HS3ST5: variants seen among roughly 807,000 people sequenced by gnomAD.
HS3ST5 encodes the protein heparan sulfate glucosamine 3-O-sulfotransferase 5.
A neutral mutation model predicts 25.4 loss-of-function variants in HS3ST5; 10 were observed. The observed-to-expected ratio is 0.39, with a 90% CI of 0.24 to 0.67. HS3ST5 has a LOEUF of 0.67. Ranked by LOEUF, HS3ST5 falls within the 30% of genes least tolerant of loss-of-function variation. The pLI is 0.44. For synonymous variants in HS3ST5, 170 were observed against 162.4 expected (o/e 1.05, Z -0.36); for missense variants, 324 against 420.7 (o/e 0.77, Z 2.01).
At chr6:114,301,238 A>G (rs1006462566) in intron 1 of HS3ST5, among the ~76,000 whole-genome samples, 2 of 152,248 alleles carry the variant, frequency 1.3e-5, no homozygotes, top group African/African-American at 4.8e-5. Context: ...AATTCTGTGC[A>G]AAATGTATGT....
rs531692410 is a variant in HS3ST5 at position 114,232,966 on chromosome 6, C to T, written c.-338-4188G>A. Reference sequence around the variant, plus strand: ...AAACTTTTAATACCTTTCCACAGTTCTCAGGCTAAAGAAAGATAACACTTT... The same window carrying T: ...AAACTTTTAATACCTTTCCACAGTTTTCAGGCTAAAGAAAGATAACACTTT... On this transcript the variant is annotated intron_variant, in intron 1 of 4. Transcript: ENST00000312719. 2.0e-4 allele frequency among the ~76,000 whole-genome samples: 31 copies of T among 152,172 alleles called. No homozygotes were observed. The South Asian group carries it at 6.4e-3, about 32-fold the overall frequency.
At chr6:114,242,859 C>CAAAAAA (rs376265869) in intron 1 of HS3ST5, among the ~76,000 whole-genome samples, 72 of 110,882 alleles carry the variant, frequency 6.5e-4, no homozygotes, top group Non-Finnish European at 1.0e-3. Context: ...GACTCCGTCT[C>CAAAAAA]AAAAAAAAAA....
At chr6:114,250,462 T>A (rs1266879789) in intron 1 of HS3ST5, among the ~76,000 whole-genome samples, 1 of 151,808 alleles carries the variant, frequency 6.6e-6, no homozygotes, top group African/African-American at 2.4e-5. Flanking sequence ...GCGCCTGTAG[T>A]CCCAGCTACT....
At chr6:114,270,092 A>C (rs561808060) in intron 1 of HS3ST5, among the ~76,000 whole-genome samples, 1 of 152,288 alleles carries the variant, frequency 6.6e-6, no homozygotes, top group Non-Finnish European at 1.5e-5. Flanking sequence ...GTCGTCTGGC[A>C]CCAGAGTGGT....
chr6:114,266,878 G>T (rs1311638347), intron 1 of HS3ST5, among the ~76,000 whole-genome samples: 1 of 152,132 alleles, frequency 6.6e-6, no homozygotes, highest in African/African-American at 2.4e-5. Context: ...ATATATTTGG[G>T]GGAAAATTCA....
At chr6:114,111,053 G>T (rs1433237035) in intron 3 of HS3ST5, among the ~76,000 whole-genome samples, 2 of 152,096 alleles carry the variant, frequency 1.3e-5, no homozygotes, top group African/African-American at 4.8e-5. Context: ...CACCCCCAAA[G>T]TATAGAGAAT....
chr6:114,092,220 C>G (rs553422111), intron 3 of HS3ST5, among the ~76,000 whole-genome samples: 117 of 152,324 alleles, frequency 7.7e-4, no homozygotes, highest in African/African-American at 2.6e-3. Flanking sequence ...TGACATAACC[C>G]ATGCCTACCT....
At chr6:114,322,107 T>C (rs1297714071) in intron 1 of HS3ST5, among the ~76,000 whole-genome samples, 1 of 152,154 alleles carries the variant, frequency 6.6e-6, no homozygotes, top group East Asian at 1.9e-4. Flanking sequence ...TAACTACAAG[T>C]AATAGAATTT....
intron 2 of HS3ST5, among the ~76,000 whole-genome samples, chr6:114,169,461 C>T (rs1779368912): frequency 6.6e-6 from 1 of 152,090 alleles, no homozygotes; most frequent in African/African-American, 2.4e-5. Flanking sequence ...AACTCTTCAC[C>T]TCACAACCCC....
chr6:114,109,945 C>G (rs536085369), intron 3 of HS3ST5, among the ~76,000 whole-genome samples: 1 of 152,312 alleles, frequency 6.6e-6, no homozygotes, highest in South Asian at 2.1e-4. Context: ...AAAATCCCAA[C>G]TTAGCTGGAC....
rs528150660 is a variant in HS3ST5 at position 114,061,943 on chromosome 6, T to C, written c.107+796A>G. On this transcript the variant is annotated intron_variant, in intron 4 of 4. Transcript: ENST00000312719. ...AGCTTGGGCAATGAGCGAAACTCCA[T>C]CTCAAAAAAAAAATTTTTTTTTAAG... 2.8e-3 allele frequency among the ~76,000 whole-genome samples: 431 copies of C among 152,104 alleles called. 2 individuals carry two copies. Among genetic ancestry groups the C allele is most frequent in the Non-Finnish European group, 5.1e-3 (349 of 67,972 alleles).
chr6:114,084,903 C>T (rs1582582312), intron 3 of HS3ST5: 2 of 506,334 alleles, frequency 3.9e-6, no homozygotes, highest in South Asian at 2.0e-5. Flanking sequence ...GTGATCTCGG[C>T]TCACTGCAAC....
At chr6:114,239,935 T>C (rs1410876907) in intron 1 of HS3ST5, among the ~76,000 whole-genome samples, 1 of 152,014 alleles carries the variant, frequency 6.6e-6, no homozygotes, top group Non-Finnish European at 1.5e-5. Flanking sequence ...TCTTAGATAC[T>C]TTGCCAGCAC....
chr6:114,202,307 C>T (rs1451710222), intron 2 of HS3ST5, among the ~76,000 whole-genome samples: 1 of 152,126 alleles, frequency 6.6e-6, no homozygotes, highest in Non-Finnish European at 1.5e-5. Context: ...CTTGGTCCTC[C>T]TGACCCCACT....
chr6:114,163,488 T>C (rs759246594), intron 3 of HS3ST5, among the ~76,000 whole-genome samples: 1 of 152,144 alleles, frequency 6.6e-6, no homozygotes, highest in Non-Finnish European at 1.5e-5. Context: ...TATTATTTAG[T>C]GGAAAGAATA....
chr6:114,173,794 G>A (rs1178347765), intron 2 of HS3ST5, among the ~76,000 whole-genome samples: 1 of 152,122 alleles, frequency 6.6e-6, no homozygotes, highest in Non-Finnish European at 1.5e-5. Flanking sequence ...GGGAGGCAGA[G>A]GTGGCAGTGA....
At chr6:114,217,557 A>G (rs2114470729) in intron 2 of HS3ST5, among the ~76,000 whole-genome samples, 1 of 152,368 alleles carries the variant, frequency 6.6e-6, no homozygotes, top group Middle Eastern at 3.4e-3. Context: ...GAACAACAAG[A>G]GAGACCATTT....
chr6:114,168,945 T>C (rs1268459095), intron 2 of HS3ST5, among the ~76,000 whole-genome samples: 2 of 152,192 alleles, frequency 1.3e-5, no homozygotes, highest in Non-Finnish European at 2.9e-5. Flanking sequence ...CAGTTGCTGC[T>C]TCTTCCTAAA....
intron 3 of HS3ST5, among the ~76,000 whole-genome samples, chr6:114,162,402 C>T (rs1310012424): frequency 1.3e-5 from 2 of 152,180 alleles, no homozygotes; most frequent in Non-Finnish European, 2.9e-5. Context: ...TAATTTCTTT[C>T]CTTCTGTTCC....
Sources: allele counts gnomAD v4.1 joint callset (sites outside exome capture counted in the v4.1 genomes callset), GRCh38; gene constraint gnomAD v4.1.1; transcripts MANE v1.5; gene names NCBI Gene and HGNC (gene_info 2026-07-23, HGNC 2026-07-21).